Variants in KSR2 observed in about 807,000 individuals in gnomAD.
KSR2 encodes the protein kinase suppressor of ras 2.
In KSR2, 25 loss-of-function variants were observed where a neutral mutation model predicts 107.8. The ratio of observed to expected loss-of-function variants is 0.23; its 90% CI spans 0.17 to 0.32. KSR2 has a LOEUF of 0.32. Among genes scored for constraint, KSR2 ranks in the 10% least tolerant of loss-of-function variants. The pLI is 1.00. For synonymous variants in KSR2, 480 were observed against 507.0 expected, an observed-to-expected ratio of 0.95 and a Z score of 0.71; for missense variants, 887 against 1,268.9, an observed-to-expected ratio of 0.70 and a Z score of 4.57.
chr12:117,619,219 T>C (rs1044453423), intron 5 of KSR2, among the ~76,000 whole-genome samples: 5 of 152,136 alleles, frequency 3.3e-5, no homozygotes, highest in African/African-American at 7.2e-5. Flanking sequence ...TCTTTTTTTT[T>C]TTTTATTCTA....
chr12:117,762,682 T>C (rs956389271), intron 3 of KSR2, among the ~76,000 whole-genome samples: 1 of 152,004 alleles, frequency 6.6e-6, no homozygotes, highest in Admixed American at 6.6e-5. Context: ...CTGGCCAACA[T>C]GGTGAAACTC....
intron 1 of KSR2, among the ~76,000 whole-genome samples, chr12:117,884,887 C>T (rs1894127000): frequency 6.6e-6 from 1 of 152,146 alleles, no homozygotes; most frequent in Admixed American, 6.5e-5. Context: ...TAAACCTCAC[C>T]AGCAACAAAT....
At chr12:117,763,794 A>G (rs1889132593) in intron 3 of KSR2, among the ~76,000 whole-genome samples, 1 of 152,164 alleles carries the variant, frequency 6.6e-6, no homozygotes, top group African/African-American at 2.4e-5. Flanking sequence ...CTAGAGCCCA[A>G]TTAAGGGGTA....
At position 117,601,034 on chromosome 12, in the gene KSR2, G is replaced by A. The variant is rs558276819; in HGVS notation, c.1172-18675C>T. Among the ~76,000 whole-genome samples the A allele has an allele frequency of 2.0e-4, 31 of 152,232 alleles. No individual in the cohort carries two copies. In the South Asian group the frequency reaches 5.4e-3, roughly 27 times the overall value. The stretch of plus-strand genomic sequence containing the variant: ...CAGTATGAGAATTTAAGTAGCAACC[G>A]TGCCTGGTGGCTGTAGGATTACATG... On this transcript the variant is annotated intron_variant, in intron 5 of 19. Transcript: ENST00000339824.
chr12:117,575,941 C>T (rs1206423704), intron 7 of KSR2, among the ~76,000 whole-genome samples: 1 of 152,176 alleles, frequency 6.6e-6, no homozygotes, highest in Non-Finnish European at 1.5e-5. Flanking sequence ...TGCTTAAGCT[C>T]ACACAAGAGT....
At chr12:117,936,312 GCC>G (rs1176404692) in intron 1 of KSR2, among the ~76,000 whole-genome samples, 116 of 152,104 alleles carry the variant, frequency 7.6e-4, no homozygotes, top group African/African-American at 2.7e-3. Context: ...ACAGGCATGA[GCC>G]ACCACACCAG....
At chr12:117,967,031 G>A (rs1177998082) in intron 1 of KSR2, among the ~76,000 whole-genome samples, 4 of 152,182 alleles carry the variant, frequency 2.6e-5, no homozygotes, top group Non-Finnish European at 4.4e-5. Context: ...GTATAGCTGG[G>A]TTGGTTTGGG....
intron 5 of KSR2, among the ~76,000 whole-genome samples, chr12:117,656,193 C>G (rs1048343826): frequency 2.0e-5 from 3 of 152,186 alleles, no homozygotes; most frequent in African/African-American, 7.2e-5. Flanking sequence ...AAAATATCTT[C>G]ATTTTATTTC....
chr12:117,798,543 G>C (rs1433062699), intron 3 of KSR2, among the ~76,000 whole-genome samples: 2 of 152,092 alleles, frequency 1.3e-5, no homozygotes, highest in Non-Finnish European at 2.9e-5. Flanking sequence ...TGAGGCAGGA[G>C]AATCACTTGA....
intron 9 of KSR2, among the ~76,000 whole-genome samples, chr12:117,541,142 TGGGAGGCA>T (rs1876456502): frequency 6.8e-6 from 1 of 147,372 alleles, no homozygotes; most frequent in South Asian, 2.2e-4. Flanking sequence ...TGTGGAGGAA[TGGGAGGCA>T]GGGAGGCAGG....
chr12:117,720,581 C>T (rs948598920), intron 4 of KSR2, among the ~76,000 whole-genome samples: 2 of 152,202 alleles, frequency 1.3e-5, no homozygotes, highest in African/African-American at 2.4e-5. Flanking sequence ...TTTATTCATT[C>T]GACAAAGTCT....
chr12:117,606,904 G>A (rs1018414264), intron 5 of KSR2, among the ~76,000 whole-genome samples: 3 of 152,044 alleles, frequency 2.0e-5, no homozygotes, highest in Non-Finnish European at 4.4e-5. Flanking sequence ...TGGGAAGAGG[G>A]AGAAAAAGAT....
intron 1 of KSR2, among the ~76,000 whole-genome samples, chr12:117,864,971 G>A (rs1489818714): frequency 6.6e-6 from 1 of 151,928 alleles, no homozygotes; most frequent in Non-Finnish European, 1.5e-5. Flanking sequence ...CAAGAATGAA[G>A]CCCTGACCAC....
chr12:117,522,374 A>G (rs1020389988), intron 14 of KSR2, among the ~76,000 whole-genome samples: 7 of 152,094 alleles, frequency 4.6e-5, no homozygotes, highest in African/African-American at 1.7e-4. Context: ...GAAAGATGGG[A>G]TAAGAGCTTA....
intron 1 of KSR2, among the ~76,000 whole-genome samples, chr12:117,954,097 A>G (rs907665425): frequency 6.6e-6 from 1 of 152,116 alleles, no homozygotes; most frequent in Non-Finnish European, 1.5e-5. Flanking sequence ...CTCAAAAAAA[A>G]AAAAGTTAAA....
intron 9 of KSR2, among the ~76,000 whole-genome samples, chr12:117,540,117 C>T (rs895651523): frequency 6.6e-6 from 1 of 152,048 alleles, no homozygotes; most frequent in Admixed American, 6.5e-5. Context: ...ACTGCTTGGA[C>T]CCCAGAGTGA....
At chr12:117,538,658 G>A (rs1306766514) in intron 10 of KSR2, among the ~76,000 whole-genome samples, 1 of 152,202 alleles carries the variant, frequency 6.6e-6, no homozygotes, top group Non-Finnish European at 1.5e-5. Context: ...CATTCAGTAC[G>A]GCAGCCACCA....
chr12:117,772,781 C>T (rs532840989), intron 3 of KSR2, among the ~76,000 whole-genome samples: 38 of 152,236 alleles, frequency 2.5e-4, no homozygotes, highest in South Asian at 1.0e-3. Flanking sequence ...CCACCAAAGA[C>T]GCACAAGCAC....
intron 4 of KSR2, among the ~76,000 whole-genome samples, chr12:117,746,002 C>T (rs1593193929): frequency 6.6e-6 from 1 of 152,176 alleles, no homozygotes; most frequent in Admixed American, 6.5e-5. Flanking sequence ...CATGACTTTA[C>T]TGCCCAAAGT....
Sources: gnomAD v4.1 joint callset for allele counts (sites outside exome capture counted in the v4.1 genomes callset) on GRCh38, gnomAD v4.1.1 for gene constraint, MANE v1.5 for transcripts, NCBI Gene and HGNC (gene_info 2026-07-23, HGNC 2026-07-21) for gene names.